PLA2G4E: variants seen among roughly 807,000 people sequenced by gnomAD.
PLA2G4E encodes the protein phospholipase A2 group IVE.
PLA2G4E carries 84 observed loss-of-function variants against 109.1 expected under a neutral mutation model. That is an observed-to-expected ratio of 0.77 (90% CI 0.65 to 0.92). The LOEUF (loss-of-function observed/expected upper bound fraction) is 0.92. Ranked by LOEUF, PLA2G4E falls within the 40% of genes least tolerant of loss-of-function variation. PLA2G4E has a pLI of 0.00. For synonymous variants in PLA2G4E, 469 were observed against 436.1 expected (o/e 1.08, Z -0.94); for missense variants, 1,057 against 1,076.6 (o/e 0.98, Z 0.25).
At chr15:41,985,722 T>C in intron 18 of PLA2G4E, 117 bp downstream of exon 18, 1 of 1,305,462 alleles carries the variant, frequency 7.7e-7, no homozygotes, top group Non-Finnish European at 1.1e-6. Context: ...TCTGATGCTC[T>C]CTGGGGGCTG....
chr15:42,010,604 C>T (rs1178937287), intron 2 of PLA2G4E, among the ~76,000 whole-genome samples: 1 of 152,154 alleles, frequency 6.6e-6, no homozygotes, highest in Non-Finnish European at 1.5e-5. Context: ...AGGGCTTGGT[C>T]ATCTGAATGA....
chr15:41,988,339 G>A (rs1476996865), intron 15 of PLA2G4E, among the ~76,000 whole-genome samples, 183 bp from the exon 16 acceptor site: 4 of 151,372 alleles, frequency 2.6e-5, no homozygotes, highest in Admixed American at 6.6e-5. Context: ...GTGACTGAGG[G>A]GCTCAGCTCT....
chr15:42,032,960 T>A (rs1243894141), intron 1 of PLA2G4E, among the ~76,000 whole-genome samples: 1 of 151,956 alleles, frequency 6.6e-6, no homozygotes, highest in East Asian at 1.9e-4. Context: ...ACTGCATGTG[T>A]GTGTGAGTGT....
At chr15:42,005,479 G>GT (rs1164918257) in intron 4 of PLA2G4E, among the ~76,000 whole-genome samples, 1 of 152,208 alleles carries the variant, frequency 6.6e-6, no homozygotes, top group Non-Finnish European at 1.5e-5. Context: ...AGGGGACCCA[G>GT]TGCCTAGAAC....
At chr15:41,990,923 G>C (rs939039594) in intron 13 of PLA2G4E, among the ~76,000 whole-genome samples, 4 of 151,856 alleles carry the variant, frequency 2.6e-5, no homozygotes, top group Admixed American at 6.6e-5. Context: ...CCCAGGCTCT[G>C]ACCCCAGGCC....
intron 1 of PLA2G4E, among the ~76,000 whole-genome samples, chr15:42,015,985 G>A (rs563562264): frequency 2.0e-4 from 31 of 152,160 alleles, no homozygotes; most frequent in South Asian, 4.2e-4. Context: ...TTTTGTTGTC[G>A]TCCATTCCCA....
chr15:42,016,188 GA>G (rs1398383817), intron 1 of PLA2G4E, among the ~76,000 whole-genome samples: 1 of 128,448 alleles, frequency 7.8e-6, no homozygotes, highest in East Asian at 2.2e-4. Context: ...AAGATACGAA[GA>G]AAAAAAAAGT....
rs56900308 is a variant in PLA2G4E at position 42,000,062 on chromosome 15, T to C, written c.852+42A>G. ...GAGCTCCTCTGGCACCCCCCACCTGTCCCAGTCCCCCACACCTCCCCCAGT... is the reference window on the plus strand; with the variant it reads ...GAGCTCCTCTGGCACCCCCCACCTGCCCCAGTCCCCCACACCTCCCCCAGT... On this transcript the variant is annotated intron_variant, in intron 8 of 19. Coordinates refer to ENST00000399518, the Ensembl canonical transcript of PLA2G4E. 4,903 of 1,573,418 alleles carry C rather than the reference T, an allele frequency of 3.1e-3. 145 individuals carry two copies. The African/African-American group carries it at 0.058, about 19-fold the overall frequency.
At chr15:41,983,841 G>A (rs2068096846) in exon 20 of PLA2G4E, 1 of 1,612,508 alleles carries the variant, frequency 6.2e-7, no homozygotes, top group Non-Finnish European at 8.5e-7. Flanking sequence ...TATTCAGGAT[G>A]TTATACTCTG....
intron 9 of PLA2G4E, 79 bp downstream of exon 9, chr15:41,999,838 C>G: frequency 7.0e-7 from 1 of 1,433,662 alleles, no homozygotes; most frequent in Non-Finnish European, 9.6e-7. Context: ...CTTGTACCTC[C>G]CCAGGCTCTC....
In PLA2G4E at chr15:42,025,590, T is replaced by A. The variant is rs114307535; in HGVS notation, c.184-11833A>T. ...GGCCCAATGTTTTACTGGGACCCAT[T>A]GTATGCAGGCGAAGTTTGGCAGTTC... On this transcript the variant is annotated intron_variant, in intron 1 of 19. Coordinates refer to ENST00000399518, the Ensembl canonical transcript of PLA2G4E. Among the ~76,000 whole-genome samples, 299 of 152,284 alleles carry A rather than the reference T, an allele frequency of 2.0e-3. 2 individuals carry two copies. The highest frequency in any genetic ancestry group is 6.9e-3 in the African/African-American group (286 of 41,564).
At chr15:42,040,588 G>A (rs1595579177) in intron 1 of PLA2G4E, among the ~76,000 whole-genome samples, 1 of 152,256 alleles carries the variant, frequency 6.6e-6, no homozygotes, top group East Asian at 1.9e-4. Context: ...AATAATACAA[G>A]ACTAATTTGT....
At chr15:42,005,895 A>C in intron 4 of PLA2G4E, 95 bp downstream of exon 4, 2 of 1,442,132 alleles carry the variant, frequency 1.4e-6, no homozygotes. Flanking sequence ...GACTGTGTAC[A>C]CAGAGAAGAC....
chr15:41,989,543 T>G, exon 15 of PLA2G4E: 1 of 1,613,536 alleles, frequency 6.2e-7, no homozygotes, highest in Non-Finnish European at 8.5e-7. Flanking sequence ...GGGGGAGAAC[T>G]CGAACCACTC....
intron 1 of PLA2G4E, among the ~76,000 whole-genome samples, chr15:42,040,448 C>T (rs1889296410): frequency 6.6e-6 from 1 of 152,118 alleles, no homozygotes; most frequent in Admixed American, 6.5e-5. Flanking sequence ...TCCAGATGTA[C>T]TGGTATTGTT....
Position 41,997,555 on chromosome 15 carries a change from T to C in PLA2G4E, c.975-296A>G, listed in dbSNP as rs148644443. 2.9e-5 allele frequency: 6 copies of C among 205,768 alleles called. No homozygotes were observed. The East Asian group carries it at 5.5e-4, about 19-fold the overall frequency. The allele number at this position is 205,768 out of a possible 1,614,324, so 12.7% of individuals were successfully genotyped here. A position where few individuals can be genotyped will look rare whatever the true frequency, so the allele number is the denominator to read the frequency against. ...GGCACTGTGTTAGGGACGCTTTGAG[T>C]CCTCTGTCTCCTCGGCCAGATCTGG... On this transcript the variant is annotated intron_variant, in intron 10 of 19. Coordinates refer to ENST00000399518, the Ensembl canonical transcript of PLA2G4E.
chr15:41,983,793 C>T, exon 20 of PLA2G4E: 4 of 1,605,786 alleles, frequency 2.5e-6, no homozygotes, highest in Non-Finnish European at 3.4e-6. Context: ...TCTTCTTCTC[C>T]ACTGCGAGCC....
chr15:41,993,296 C>T (rs1016721018), intron 12 of PLA2G4E, among the ~76,000 whole-genome samples: 16 of 152,314 alleles, frequency 1.1e-4, no homozygotes, highest in African/African-American at 2.9e-4. Context: ...ACTTAATCAC[C>T]GTTCCCTTCA....
At chr15:41,993,240 C>G (rs2068281438) in intron 12 of PLA2G4E, among the ~76,000 whole-genome samples, 1 of 152,228 alleles carries the variant, frequency 6.6e-6, no homozygotes, top group Admixed American at 6.5e-5. Context: ...CTTTCTGGAT[C>G]AAGCCAGGCT....
Sources: allele counts gnomAD v4.1 joint callset (sites outside exome capture counted in the v4.1 genomes callset), GRCh38; gene constraint gnomAD v4.1.1; transcripts MANE v1.5; gene names NCBI Gene and HGNC (gene_info 2026-07-23, HGNC 2026-07-21).